NCOA7: variants seen among roughly 807,000 people sequenced by gnomAD.
NCOA7 encodes the protein nuclear receptor coactivator 7.
Under a neutral mutation model 104.3 loss-of-function variants are expected in NCOA7, and 45 were observed. That is an observed-to-expected ratio of 0.43 (90% confidence interval 0.34 to 0.55). The LOEUF is 0.55. Among genes scored for constraint, NCOA7 ranks in the 20% least tolerant of loss-of-function variants. NCOA7 has a pLI of 0.02. For synonymous variants in NCOA7, 398 were observed against 402.3 expected (o/e 0.99, Z 0.13); for missense variants, 1,041 against 1,119.7 (o/e 0.93, Z 1.00).
At position 125,865,239 on chromosome 6, in the gene NCOA7, G is replaced by A. The variant is rs552787361; in HGVS notation, c.272-9650G>A. On this transcript the variant is annotated intron_variant, in intron 3 of 15. Transcript: ENST00000392477. ...CAAAGCCTGACTTATTTCCACAAAC[G>A]AGGAGGACCTTCTCCATGCTGAGTG... 6.5e-5 allele frequency among the ~76,000 whole-genome samples: 9 copies of A among 138,568 alleles called. 2 individuals carry two copies. The South Asian group carries it at 1.7e-3, about 27-fold the overall frequency. 90.9% of individuals were successfully genotyped at this position (138,568 alleles called of 152,430 possible).
intron 10 of NCOA7, chr6:125,899,892 A>G (rs1466994207): frequency 8.2e-6 from 4 of 487,312 alleles, no homozygotes; most frequent in Middle Eastern, 3.3e-4. Context: ...TCTTCTTTGT[A>G]AGTGAGCTCT....
At chr6:125,896,749 G>A (rs1053442201) in intron 10 of NCOA7, among the ~76,000 whole-genome samples, 1 of 152,088 alleles carries the variant, frequency 6.6e-6, no homozygotes, top group African/African-American at 2.4e-5. Flanking sequence ...CTAAAATCAC[G>A]CCTCCGCACT....
chr6:125,815,908 T>G (rs1351845157), intron 2 of NCOA7, among the ~76,000 whole-genome samples: 1 of 152,186 alleles, frequency 6.6e-6, no homozygotes, highest in African/African-American at 2.4e-5. Context: ...ATAAATAAAT[T>G]TGTTGATATC....
chr6:125,890,879 C>A, intron 10 of NCOA7, 69 bp downstream of exon 10: 1 of 1,306,448 alleles, frequency 7.7e-7, no homozygotes, highest in Non-Finnish European at 1.0e-6. Flanking sequence ...TATTCTTTAT[C>A]TTAAAATACT....
chr6:125,931,454 T>C lies in NCOA7; in HGVS notation c.*2683T>C, dbSNP rs143809810. ...GGACACTTTACTCTCTGATAAATTT[T>C]CTTTGGCATCCTGACACCTAGCCCC... On this transcript the variant is annotated 3_prime_UTR_variant, in exon 16 of 16. Transcript: ENST00000392477. 1.3e-5 allele frequency: 2 copies of C among 152,338 alleles called. No individual in the cohort carries two copies. Among genetic ancestry groups the C allele is most frequent in the African/African-American group, 4.8e-5 (2 of 41,584 alleles). The allele number at this position is 152,338 out of a possible 1,614,324, so 9.4% of individuals were successfully genotyped here. A position where few individuals can be genotyped will look rare whatever the true frequency, so the allele number is the denominator to read the frequency against.
At chr6:125,883,902 A>G (rs552517998) in intron 7 of NCOA7, among the ~76,000 whole-genome samples, 2 of 152,084 alleles carry the variant, frequency 1.3e-5, no homozygotes, top group African/African-American at 4.8e-5. Flanking sequence ...TATTTTTAGT[A>G]GAGACGGGGT....
chr6:125,824,399 G>A (rs1778471606), intron 2 of NCOA7, among the ~76,000 whole-genome samples: 1 of 152,136 alleles, frequency 6.6e-6, no homozygotes, highest in Non-Finnish European at 1.5e-5. Context: ...CTACTGTGGA[G>A]CTTTGGGTCT....
At chr6:125,890,565 A>G in intron 9 of NCOA7, 77 bp from the exon 10 acceptor site, 20 of 1,397,314 alleles carry the variant, frequency 1.4e-5, no homozygotes, top group Non-Finnish European at 1.8e-5. Flanking sequence ...ATTGTGCACT[A>G]TTTTTTTTAA....
chr6:125,896,351 A>G (rs1423084499), intron 10 of NCOA7, among the ~76,000 whole-genome samples: 1 of 152,128 alleles, frequency 6.6e-6, no homozygotes, highest in Non-Finnish European at 1.5e-5. Context: ...CTTTATATCT[A>G]AGTCAGTAGA....
chr6:125,910,631 A>C (rs1418767103), intron 10 of NCOA7, among the ~76,000 whole-genome samples: 5 of 152,244 alleles, frequency 3.3e-5, no homozygotes, highest in Non-Finnish European at 7.3e-5. Context: ...TATAATCCCT[A>C]TACAGCAGAA....
At position 125,931,062 on chromosome 6, in the gene NCOA7, A is replaced by G. The variant is rs1788439818; in HGVS notation, c.*2291A>G. On this transcript the variant is annotated 3_prime_UTR_variant, in exon 16 of 16. Transcript: ENST00000392477. ...CATTTATGGATATTGACTATATGTA[A>G]TGCAGTGCTATCCCAATATTTTCAA... is the stretch of plus-strand genomic sequence containing the variant. 1 of 152,660 alleles carries G rather than the reference A, an allele frequency of 6.6e-6. No homozygotes were observed. Among genetic ancestry groups the G allele is most frequent in the Admixed American group, 6.5e-5 (1 of 15,292 alleles). The allele number at this position is 152,660 out of a possible 1,614,324, so 9.5% of individuals were successfully genotyped here.
chr6:125,913,394 T>G (rs1439153672), intron 10 of NCOA7, among the ~76,000 whole-genome samples: 1 of 152,198 alleles, frequency 6.6e-6, no homozygotes, highest in East Asian at 1.9e-4. Flanking sequence ...TTATGGAGCA[T>G]AATCTGCTCT....
At chr6:125,922,292 A>T (rs575021577) in intron 12 of NCOA7, among the ~76,000 whole-genome samples, 5 of 152,326 alleles carry the variant, frequency 3.3e-5, no homozygotes, top group Non-Finnish European at 7.3e-5. Context: ...TCTCAGTAGC[A>T]GTTTTGAGCC....
chr6:125,844,705 A>T (rs527918867), intron 2 of NCOA7, among the ~76,000 whole-genome samples: 1 of 152,248 alleles, frequency 6.6e-6, no homozygotes, highest in East Asian at 1.9e-4. Context: ...AGAGTTAAAT[A>T]CAATTAATAT....
intron 2 of NCOA7, among the ~76,000 whole-genome samples, chr6:125,824,533 A>G (rs574059398): frequency 1.3e-5 from 2 of 152,380 alleles, no homozygotes; most frequent in East Asian, 1.9e-4. Flanking sequence ...TAATTTTAAT[A>G]TAAAAGCTTG....
chr6:125,874,250 G>A (rs774178990), intron 3 of NCOA7, among the ~76,000 whole-genome samples: 4 of 152,286 alleles, frequency 2.6e-5, no homozygotes, highest in Admixed American at 1.3e-4. Flanking sequence ...GCTTGAACCC[G>A]GGAGACAGAG....
intron 2 of NCOA7, among the ~76,000 whole-genome samples, chr6:125,828,585 G>GC (rs1256149809): frequency 6.6e-6 from 1 of 152,210 alleles, no homozygotes; most frequent in Non-Finnish European, 1.5e-5. Flanking sequence ...ATTAGAGCAT[G>GC]CTTGTTGGCT....
chr6:125,915,239 G>A, intron 10 of NCOA7, 94 bp from the exon 11 acceptor site: 27 of 1,443,712 alleles, frequency 1.9e-5, no homozygotes, highest in Non-Finnish European at 2.4e-5. Flanking sequence ...GATTTGCCAA[G>A]CAGGGAAAAG....
chr6:125,884,344 A>T (rs1435861567), intron 7 of NCOA7, among the ~76,000 whole-genome samples: 1 of 152,098 alleles, frequency 6.6e-6, no homozygotes, highest in East Asian at 1.9e-4. Flanking sequence ...ATATGATTTC[A>T]TTTTCTTTGG....
Sources: allele counts gnomAD v4.1 joint callset (sites outside exome capture counted in the v4.1 genomes callset), GRCh38; gene constraint gnomAD v4.1.1; transcripts MANE v1.5; gene names NCBI Gene and HGNC (gene_info 2026-07-23, HGNC 2026-07-21).